GPC3: variants seen among roughly 807,000 people sequenced by gnomAD.
The protein encoded by GPC3 is glypican 3, also known as glypican-3.
A neutral mutation model predicts 34.4 loss-of-function variants in GPC3; 3 were observed. The ratio of observed to expected loss-of-function variants is 0.09; its 90% CI spans 0.04 to 0.23. The LOEUF is 0.23. GPC3 is among the 10% of genes least tolerant of loss of function. The pLI, the probability that GPC3 is intolerant of heterozygous loss-of-function variation, is 1.00. For missense variants in GPC3, 351 were observed against 445.6 expected, an observed-to-expected ratio of 0.79 and a Z score of 1.91; for synonymous variants, 177 against 174.0, an observed-to-expected ratio of 1.02 and a Z score of -0.13.
intron 2 of GPC3, among the ~76,000 whole-genome samples, chrX:133,869,665 T>A (rs1032304365): frequency 8.9e-6 from 1 of 111,916 alleles, no homozygotes; most frequent in Non-Finnish European, 1.9e-5. Context: ...GAGTACTGGG[T>A]GGCCGGGCAT....
At chrX:133,768,939 CA>C (rs200909452) in intron 2 of GPC3, among the ~76,000 whole-genome samples, 5 of 102,100 alleles carry the variant, frequency 4.9e-5, no homozygotes, top group Admixed American at 3.2e-4. Context: ...GACACTGTCT[CA>C]AAAAAAAACA....
In GPC3 at chrX:133,814,383, T is replaced by G. The variant is rs1190934703; in HGVS notation, c.338-60207A>C. Reference sequence around the variant, plus strand: ...CACCCTGGAATGAAATCTGCTGATGTGGTTTCCGAAAACTGAGGCTTGTCT... The same window carrying G: ...CACCCTGGAATGAAATCTGCTGATGGGGTTTCCGAAAACTGAGGCTTGTCT... On this transcript the variant is annotated intron_variant, in intron 2 of 7. Transcript: ENST00000370818. 6.3e-5 allele frequency among the ~76,000 whole-genome samples: 7 copies of G among 110,987 alleles called. No individual in the cohort carries two copies. The East Asian group carries it at 2.0e-3, about 32-fold the overall frequency.
chrX:133,580,195 C>T (rs1359189997), intron 7 of GPC3, among the ~76,000 whole-genome samples: 1 of 111,795 alleles, frequency 8.9e-6, no homozygotes, highest in Non-Finnish European at 1.9e-5. Flanking sequence ...AGGAGAATGC[C>T]CTTATGACTC....
intron 2 of GPC3, among the ~76,000 whole-genome samples, chrX:133,946,032 A>G (rs1301290730): frequency 8.9e-6 from 1 of 111,958 alleles, no homozygotes; most frequent in Non-Finnish European, 1.9e-5. Context: ...TTTGTATACA[A>G]ATGTCCTGGT....
chrX:133,683,442 G>A (rs1406920095), intron 5 of GPC3, among the ~76,000 whole-genome samples: 1 of 112,045 alleles, frequency 8.9e-6, no homozygotes, highest in Admixed American at 9.4e-5. Flanking sequence ...TTTCCAAGAG[G>A]AAATTAGGAG....
chrX:133,742,194 A>G (rs1185631405), intron 3 of GPC3, among the ~76,000 whole-genome samples: 1 of 112,134 alleles, frequency 8.9e-6, no homozygotes, highest in African/African-American at 3.2e-5. Flanking sequence ...AGAGCAAGGT[A>G]CAAATCTGAA....
At chrX:133,563,851 G>C (rs1053134047) in intron 7 of GPC3, among the ~76,000 whole-genome samples, 4 of 111,998 alleles carry the variant, frequency 3.6e-5, no homozygotes, top group African/African-American at 1.3e-4. Context: ...TTCCAGTTGT[G>C]AGAAGGGGTG....
chrX:133,918,543 G>A (rs1041806074), intron 2 of GPC3, among the ~76,000 whole-genome samples: 1 of 112,129 alleles, frequency 8.9e-6, no homozygotes, highest in African/African-American at 3.2e-5. Flanking sequence ...TGACTTTATT[G>A]CTACGCCTAG....
chrX:133,614,632 G>A (rs955413717), intron 6 of GPC3, among the ~76,000 whole-genome samples: 17 of 111,329 alleles, frequency 1.5e-4, no homozygotes, highest in African/African-American at 5.5e-4. Context: ...AGATGTAAAA[G>A]GACACTAGAC....
chrX:133,629,290 C>T (rs1489291042), intron 6 of GPC3, among the ~76,000 whole-genome samples: 1 of 112,032 alleles, frequency 8.9e-6, no homozygotes, highest in African/African-American at 3.2e-5. Flanking sequence ...GGGGAAATCG[C>T]TCCACCTCTC....
intron 2 of GPC3, among the ~76,000 whole-genome samples, chrX:133,788,361 CA>C (rs1029051875): frequency 5.5e-5 from 6 of 108,252 alleles, no homozygotes; most frequent in Admixed American, 4.0e-4. Flanking sequence ...AAGACAGCAC[CA>C]AAAGATCCAG....
chrX:133,669,219 CCAT>C, intron 5 of GPC3, among the ~76,000 whole-genome samples: 1 of 112,303 alleles, frequency 8.9e-6, no homozygotes, highest in Non-Finnish European at 1.9e-5. Flanking sequence ...ACCACCACCA[CCAT>C]CCATGCCACT....
chrX:133,827,944 CAA>C (rs760699432), intron 2 of GPC3, among the ~76,000 whole-genome samples: 10 of 36,045 alleles, frequency 2.8e-4, no homozygotes, highest in African/African-American at 6.1e-4. Flanking sequence ...AACTCCATCC[CAA>C]AAAAAAAAAA....
At chrX:133,875,960 C>G (rs1186154617) in intron 2 of GPC3, among the ~76,000 whole-genome samples, 1 of 111,116 alleles carries the variant, frequency 9.0e-6, no homozygotes, top group Non-Finnish European at 1.9e-5. Flanking sequence ...AGTATAAGTG[C>G]CTTGATTAAA....
intron 2 of GPC3, among the ~76,000 whole-genome samples, chrX:133,831,827 C>A (rs1465427096): frequency 8.9e-6 from 1 of 112,915 alleles, no homozygotes. Flanking sequence ...AGATGGCCAA[C>A]ACCCTTGAGA....
chrX:133,929,678 A>G (rs1186080660), intron 2 of GPC3, among the ~76,000 whole-genome samples: 1 of 112,240 alleles, frequency 8.9e-6, no homozygotes, highest in Non-Finnish European at 1.9e-5. Flanking sequence ...AGAAGCAACA[A>G]TCTTTTCAAA....
chrX:133,766,818 T>C (rs1363387864), intron 2 of GPC3, among the ~76,000 whole-genome samples: 2 of 112,372 alleles, frequency 1.8e-5, no homozygotes, highest in Non-Finnish European at 3.8e-5. Flanking sequence ...AGGGCAAATA[T>C]TGCAGAGCAC....
intron 6 of GPC3, 89 bp from the exon 7 acceptor site, chrX:133,596,688 G>T: frequency 1.1e-6 from 1 of 912,270 alleles, no homozygotes; most frequent in Non-Finnish European, 1.6e-6. Context: ...CATTAAAAAT[G>T]TTCAATGAAT....
At chrX:133,650,450 CACCCACCCA>C (rs2070588720) in intron 6 of GPC3, among the ~76,000 whole-genome samples, 1 of 92,334 alleles carries the variant, frequency 1.1e-5, no homozygotes, top group Non-Finnish European at 2.1e-5. Flanking sequence ...CACACCCACA[CACCCACCCA>C]CACACACACA....
Sources: allele counts gnomAD v4.1 joint callset (sites outside exome capture counted in the v4.1 genomes callset), GRCh38; gene constraint gnomAD v4.1.1; transcripts MANE v1.5; gene names NCBI Gene and HGNC (gene_info 2026-07-23, HGNC 2026-07-21).